Variants in PPP2R2C observed in about 807,000 individuals in gnomAD.
PPP2R2C encodes protein phosphatase 2, regulatory subunit B, gamma.
In PPP2R2C, 10 loss-of-function variants were observed where a neutral mutation model predicts 45.3. The observed-to-expected ratio is 0.22, with a 90% CI of 0.14 to 0.37. The LOEUF is 0.37. Among genes scored for constraint, PPP2R2C ranks in the 10% least tolerant of loss-of-function variants. The probability of loss-of-function intolerance (pLI) is 1.00; values close to 1 mark genes in which losing one functional copy is unlikely to be tolerated. For synonymous variants in PPP2R2C, 257 were observed against 245.4 expected (o/e 1.05, Z -0.44); for missense variants, 308 against 619.7 (o/e 0.50, Z 5.34).
At chr4:6,475,067 G>A (rs1283752209), upstream of PPP2R2C, among the ~76,000 whole-genome samples, 8 of 152,246 alleles carry the variant, frequency 5.3e-5, no homozygotes, top group African/African-American at 1.9e-4. Flanking sequence ...ACAGAATAGA[G>A]AAATGCTCTG....
chr4:6,516,449 G>C (rs1202488845), intron 2 of PPP2R2C, among the ~76,000 whole-genome samples: 1 of 151,968 alleles, frequency 6.6e-6, no homozygotes, highest in Non-Finnish European at 1.5e-5. Context: ...ACCTCAGAGA[G>C]GGCCTGGCTA....
intron 2 of PPP2R2C, among the ~76,000 whole-genome samples, chr4:6,521,587 T>A (rs1724028820): frequency 6.6e-6 from 1 of 152,154 alleles, no homozygotes; most frequent in African/African-American, 2.4e-5. Context: ...AGGAGTCGTC[T>A]CAGGAGCCCT....
chr4:6,367,193 T>G (rs1263664966), intron 5 of PPP2R2C, among the ~76,000 whole-genome samples: 1 of 152,074 alleles, frequency 6.6e-6, no homozygotes, highest in Non-Finnish European at 1.5e-5. Context: ...TGTCCAATAG[T>G]CAAAGCAATG....
chr4:6,493,349 G>A (rs1722769984), intron 2 of PPP2R2C, among the ~76,000 whole-genome samples: 1 of 151,826 alleles, frequency 6.6e-6, no homozygotes, highest in African/African-American at 2.4e-5. Flanking sequence ...CAGCTTCAGG[G>A]AGCTGGGGTG....
rs553364348 is a variant in PPP2R2C, at chr4:6,379,582, G to A, written c.169-1010C>T. Among the ~76,000 whole-genome samples the A allele has an allele frequency of 3.2e-4, 48 of 152,320 alleles. No homozygotes were observed. In the East Asian group the frequency reaches 4.6e-3, roughly 15 times the overall value. ...AGAAAAATTCAAAATGAAGAAAATCGCATCAACCAATCCGATCTCTTTCTG... is the reference window on the plus strand; with the variant it reads ...AGAAAAATTCAAAATGAAGAAAATCACATCAACCAATCCGATCTCTTTCTG... On this transcript the variant is annotated intron_variant, in intron 2 of 8. Transcript: ENST00000382599.
At chr4:6,400,735 T>A (rs571166855) in intron 1 of PPP2R2C, among the ~76,000 whole-genome samples, 1 of 152,380 alleles carries the variant, frequency 6.6e-6, no homozygotes, top group South Asian at 2.1e-4. Context: ...CTAAGGCTTA[T>A]GCCATTCATC....
At chr4:6,326,183 G>C (rs890573120) in intron 8 of PPP2R2C, among the ~76,000 whole-genome samples, 1 of 152,364 alleles carries the variant, frequency 6.6e-6, no homozygotes, top group Middle Eastern at 3.4e-3. Flanking sequence ...GGGTTGGCTG[G>C]CTGAGGATAA....
intron 1 of PPP2R2C, among the ~76,000 whole-genome samples, chr4:6,393,662 G>T (rs1716809330): frequency 6.6e-6 from 1 of 152,226 alleles, no homozygotes; most frequent in Non-Finnish European, 1.5e-5. Flanking sequence ...GTGCACAAGG[G>T]ACAGGGATCG....
chr4:6,557,887 T>G (rs1361296741), intron 1 of PPP2R2C, among the ~76,000 whole-genome samples: 1 of 151,946 alleles, frequency 6.6e-6, no homozygotes, highest in African/African-American at 2.4e-5. Flanking sequence ...TGGAGTGAGG[T>G]GCATCCCACA....
intron 4 of PPP2R2C, among the ~76,000 whole-genome samples, 190 bp downstream of exon 4, chr4:6,375,629 T>A (rs776180476): frequency 6.6e-6 from 1 of 152,200 alleles, no homozygotes; most frequent in Non-Finnish European, 1.5e-5. Context: ...AGAAGAAACG[T>A]GGTCATCTGT....
intron 2 of PPP2R2C, among the ~76,000 whole-genome samples, chr4:6,380,794 C>A (rs1189554248): frequency 3.9e-5 from 6 of 152,084 alleles, no homozygotes; most frequent in Non-Finnish European, 8.8e-5. Flanking sequence ...GGAATCCATG[C>A]CCCTGGGAGA....
chr4:6,346,806 G>A (rs774471339), intron 6 of PPP2R2C, among the ~76,000 whole-genome samples: 12 of 152,162 alleles, frequency 7.9e-5, no homozygotes, highest in South Asian at 2.1e-4. Flanking sequence ...TGGCCCCATC[G>A]CTCCCAAACA....
At chr4:6,380,554 G>C (rs1274988581) in intron 2 of PPP2R2C, among the ~76,000 whole-genome samples, 1 of 152,168 alleles carries the variant, frequency 6.6e-6, no homozygotes, top group Non-Finnish European at 1.5e-5. Flanking sequence ...GGTCACCCAG[G>C]CAGAGGAAGG....
intron 1 of PPP2R2C, among the ~76,000 whole-genome samples, chr4:6,435,169 G>A (rs1274639538): frequency 1.3e-5 from 2 of 152,072 alleles, no homozygotes; most frequent in Non-Finnish European, 2.9e-5. Flanking sequence ...TCTGCATCAT[G>A]TTCTAATATT....
intron 6 of PPP2R2C, among the ~76,000 whole-genome samples, chr4:6,340,143 A>G (rs931205424): frequency 6.6e-6 from 1 of 152,052 alleles, no homozygotes; most frequent in Non-Finnish European, 1.5e-5. Flanking sequence ...GCCCAGCACC[A>G]TGTGATCGAG....
At chr4:6,351,303 A>G in intron 5 of PPP2R2C, 5 of 807,616 alleles carry the variant, frequency 6.2e-6, no homozygotes, top group South Asian at 5.6e-5. Flanking sequence ...ACAGAGCAAG[A>G]CTCCATCTCA....
Position 6,378,382 on chromosome 4 carries a change from C to A in PPP2R2C, c.334+25G>T, listed in dbSNP as rs750322142. On this transcript the variant is annotated intron_variant, in intron 3 of 8. Transcript: ENST00000382599. The surrounding 1 kb of genome is among the most constrained non-coding windows in gnomAD (Gnocchi z 5.2). Reference sequence around the variant, plus strand: ...GAAACATCTACGGCCTGTGCCCATGCAAGCGAGGCCGGGCAGCGCCTCACC... The same window carrying A: ...GAAACATCTACGGCCTGTGCCCATGAAAGCGAGGCCGGGCAGCGCCTCACC... 6.2e-7 allele frequency: 1 copy of A among 1,613,934 alleles called. No homozygotes were observed. The highest frequency in any genetic ancestry group is 8.5e-7 in the Non-Finnish European group (1 of 1,180,008).
intron 2 of PPP2R2C, among the ~76,000 whole-genome samples, chr4:6,482,338 A>T (rs1463497669): frequency 6.6e-6 from 1 of 152,238 alleles, no homozygotes. Flanking sequence ...CAAGTGATCA[A>T]GTAATTTTCC....
chr4:6,534,086 C>G (rs1422744107), intron 2 of PPP2R2C, among the ~76,000 whole-genome samples: 4 of 147,432 alleles, frequency 2.7e-5, no homozygotes, highest in African/African-American at 1.0e-4. Context: ...ACATACACAT[C>G]AACACATACA....
Sources: gnomAD v4.1 joint callset for allele counts (sites outside exome capture counted in the v4.1 genomes callset) on GRCh38, gnomAD v4.1.1 for gene constraint, Gnocchi (gnomAD v3.1) non-coding constraint, MANE v1.5 for transcripts, NCBI Gene and HGNC (gene_info 2026-07-23, HGNC 2026-07-21) for gene names.